Variants in ZBTB41 observed in about 807,000 individuals in gnomAD.
ZBTB41 encodes the protein zinc finger and BTB domain containing 41.
ZBTB41 carries 42 observed loss-of-function variants against 87.6 expected under a neutral mutation model. The observed-to-expected ratio is 0.48, with a 90% CI of 0.37 to 0.62. ZBTB41 has a LOEUF of 0.62. Ranked by LOEUF, ZBTB41 falls within the 20% of genes least tolerant of loss-of-function variation. The pLI is 0.00. For missense variants in ZBTB41, 799 were observed against 1,078.9 expected (o/e 0.74, Z 3.63); for synonymous variants, 364 against 364.0 (o/e 1.00, Z 0.00).
chr1:197,183,058 T>C (rs1231044358), intron 5 of ZBTB41, among the ~76,000 whole-genome samples: 5 of 148,150 alleles, frequency 3.4e-5, no homozygotes, highest in African/African-American at 1.1e-4. Flanking sequence ...TATATATGCA[T>C]GTATACATAT....
chr1:197,173,549 T>C (rs1172490911), intron 9 of ZBTB41, among the ~76,000 whole-genome samples: 1 of 152,074 alleles, frequency 6.6e-6, no homozygotes, highest in Admixed American at 6.6e-5. Context: ...AGACTACAGG[T>C]ACATGCCACC....
chr1:197,198,373 A>G (rs2125143722), intron 2 of ZBTB41, among the ~76,000 whole-genome samples: 1 of 152,290 alleles, frequency 6.6e-6, no homozygotes, highest in East Asian at 1.9e-4. Context: ...ATGATCACCA[A>G]TTCCTTAAAA....
chr1:197,192,737 T>C (rs1050352033), intron 2 of ZBTB41, among the ~76,000 whole-genome samples: 1 of 152,130 alleles, frequency 6.6e-6, no homozygotes, highest in African/African-American at 2.4e-5. Context: ...TGTGAAAGTA[T>C]AGCATTTCAG....
At chr1:197,171,441 C>T (rs1005303990) in intron 10 of ZBTB41, among the ~76,000 whole-genome samples, 2 of 151,682 alleles carry the variant, frequency 1.3e-5, no homozygotes, top group African/African-American at 2.4e-5. Context: ...TGACAAAATC[C>T]GAATTGAATA....
At position 197,159,788 on chromosome 1, in the gene ZBTB41, T is replaced by G. The variant is rs1339183451; in HGVS notation, c.2301A>C (p.Pro767=). The G allele has an allele frequency of 1.9e-6, 3 of 1,614,026 alleles. No individual in the cohort carries two copies. Among genetic ancestry groups the G allele is most frequent in the Non-Finnish European group, 1.7e-6 (2 of 1,179,920 alleles). Residue 767 remains proline (P), a synonymous_variant, in exon 11 of 11, where the codon CCA becomes CCC. Transcript: ENST00000367405. ...STSEEKLVSL[P]VEYSSDDKIF... is the part of the protein sequence containing the mutation. The stretch of plus-strand genomic sequence containing the variant: ...TTTTGTCATCAGATGAGTACTCAAC[T>G]GGCAAGGATACAAGTTTTTCCTCAG...
At chr1:197,161,217 T>C (rs1318453311) in intron 10 of ZBTB41, among the ~76,000 whole-genome samples, 1 of 152,118 alleles carries the variant, frequency 6.6e-6, no homozygotes, top group Non-Finnish European at 1.5e-5. Flanking sequence ...CCACCAAATT[T>C]GTGGTGGTTT....
chr1:197,198,792 C>T (rs1031104999), intron 2 of ZBTB41, among the ~76,000 whole-genome samples: 2 of 152,064 alleles, frequency 1.3e-5, no homozygotes, highest in African/African-American at 4.8e-5. Flanking sequence ...ATAATATAAC[C>T]AGAGTGCTAC....
Position 197,159,307 on chromosome 1 carries a change from C to A in ZBTB41, c.*52G>T. 1 of 1,557,926 alleles carries A rather than the reference C, an allele frequency of 6.4e-7. No individual in the cohort carries two copies. The highest frequency in any genetic ancestry group is 8.8e-7 in the Non-Finnish European group (1 of 1,137,412). ...GCCCCACAAATTTAAAAGCTATCAT[C>A]TCTACCATTAGCATATAACCATCCA... is the stretch of plus-strand genomic sequence containing the variant. On this transcript the variant is annotated 3_prime_UTR_variant, in exon 11 of 11. Transcript: ENST00000367405.
chr1:197,166,595 C>T (rs1468733368), intron 10 of ZBTB41, among the ~76,000 whole-genome samples: 4 of 151,970 alleles, frequency 2.6e-5, no homozygotes, highest in African/African-American at 9.7e-5. Context: ...CCTGTAATCC[C>T]AGCACTTTGG....
At chr1:197,185,641 C>T (rs2125135190) in intron 5 of ZBTB41, among the ~76,000 whole-genome samples, 2 of 149,560 alleles carry the variant, frequency 1.3e-5, no homozygotes, top group South Asian at 4.2e-4. Context: ...CAAAAAAACA[C>T]ATTTACACAT....
At chr1:197,179,042 T>A (rs1005043588) in intron 6 of ZBTB41, among the ~76,000 whole-genome samples, 2 of 152,164 alleles carry the variant, frequency 1.3e-5, no homozygotes, top group African/African-American at 4.8e-5. Flanking sequence ...TGGCCCTGGA[T>A]GGGCTACTAT....
Position 197,200,561 on chromosome 1 carries a change from C to T in ZBTB41, c.-88G>A. 1 of 1,336,248 alleles carries T rather than the reference C, an allele frequency of 7.5e-7. No individual in the cohort carries two copies. Among genetic ancestry groups the T allele is most frequent in the South Asian group, 1.6e-5 (1 of 63,626 alleles). 82.8% of individuals were successfully genotyped at this position (1,336,248 alleles called of 1,614,324 possible). ...ACTAGATTGTCTTGGATAACAGCTTCTGAAGGGGCGTGCCCAAGGGTTTCA... is the reference window on the plus strand; with the variant it reads ...ACTAGATTGTCTTGGATAACAGCTTTTGAAGGGGCGTGCCCAAGGGTTTCA... On this transcript the variant is annotated 5_prime_UTR_variant, in exon 2 of 11. Coordinates refer to ENST00000367405, the MANE Select transcript of ZBTB41 (RefSeq NM_194314.3).
At chr1:197,183,377 C>A (rs1433804985) in intron 5 of ZBTB41, among the ~76,000 whole-genome samples, 3 of 152,136 alleles carry the variant, frequency 2.0e-5, no homozygotes, top group Admixed American at 6.5e-5. Flanking sequence ...AGAGGCTGTT[C>A]CAGATCACCT....
intron 3 of ZBTB41, among the ~76,000 whole-genome samples, 194 bp downstream of exon 3, chr1:197,191,498 G>A (rs1660033700): frequency 1.4e-5 from 2 of 146,378 alleles, no homozygotes; most frequent in Admixed American, 6.8e-5. Flanking sequence ...ACTTATCAGA[G>A]TATAAAAACC....
intron 2 of ZBTB41, among the ~76,000 whole-genome samples, chr1:197,197,658 A>C (rs1207843452): frequency 6.6e-6 from 1 of 152,116 alleles, no homozygotes; most frequent in Non-Finnish European, 1.5e-5. Context: ...AATCTTGAGC[A>C]GTATTTTCCC....
At chr1:197,185,889 C>T (rs560102136) in intron 5 of ZBTB41, among the ~76,000 whole-genome samples, 2 of 152,194 alleles carry the variant, frequency 1.3e-5, no homozygotes, top group South Asian at 4.1e-4. Flanking sequence ...AAGAAAGACT[C>T]AACTTCACAA....
At position 197,162,166 on chromosome 1, in the gene ZBTB41, A is replaced by G. The variant is rs1223347450; in HGVS notation, c.2075-2152T>C. 4.6e-5 allele frequency among the ~76,000 whole-genome samples: 7 copies of G among 152,326 alleles called. No homozygotes were observed. The East Asian group carries it at 1.2e-3, about 25-fold the overall frequency. ...AGAAAAATCAATTTAGGTTTCTAAA[A>G]AGATGAAAATTCATAAAGAAAATGT... On this transcript the variant is annotated intron_variant, in intron 10 of 10. Coordinates refer to ENST00000367405, the MANE Select transcript of ZBTB41 (RefSeq NM_194314.3).
intron 4 of ZBTB41, among the ~76,000 whole-genome samples, chr1:197,190,083 T>C (rs1024073408): frequency 5.9e-5 from 9 of 152,122 alleles, no homozygotes; most frequent in African/African-American, 2.2e-4. Flanking sequence ...CATGCCCAGC[T>C]AATTTTTTTT....
chr1:197,198,667 A>G (rs16841220), intron 2 of ZBTB41, among the ~76,000 whole-genome samples: 11,905 of 152,184 alleles, frequency 0.078, 1,549 homozygotes, highest in African/African-American at 0.27. Context: ...GTACTGACAT[A>G]AAACTTAAAG....
Sources: gnomAD v4.1 joint callset for allele counts (sites outside exome capture counted in the v4.1 genomes callset) on GRCh38, gnomAD v4.1.1 for gene constraint, MANE v1.5 for transcripts, NCBI Gene and HGNC (gene_info 2026-07-23, HGNC 2026-07-21) for gene names.